Variants in DCBLD2 observed in about 807,000 individuals in gnomAD.
The protein encoded by DCBLD2 is discoidin, CUB and LCCL domain containing 2.
DCBLD2 carries 54 observed loss-of-function variants against 86.8 expected under a neutral mutation model. The observed-to-expected ratio is 0.62, with a 90% CI of 0.50 to 0.78. The LOEUF (loss-of-function observed/expected upper bound fraction) is 0.78. Among genes scored for constraint, DCBLD2 ranks in the 30% least tolerant of loss-of-function variants. DCBLD2 has a pLI of 0.00. For synonymous variants in DCBLD2, 354 were observed against 341.3 expected, an observed-to-expected ratio of 1.04 and a Z score of -0.41; for missense variants, 908 against 954.2, an observed-to-expected ratio of 0.95 and a Z score of 0.64.
intron 10 of DCBLD2, 131 bp downstream of exon 10, chr3:98,812,201 T>G: frequency 1.6e-6 from 2 of 1,283,588 alleles, no homozygotes; most frequent in Non-Finnish European, 2.1e-6. Context: ...TAACATCCCT[T>G]TAAGAAGATA....
At chr3:98,882,166 G>C (rs1943483431) in intron 1 of DCBLD2, among the ~76,000 whole-genome samples, 1 of 152,140 alleles carries the variant, frequency 6.6e-6, no homozygotes, top group South Asian at 2.1e-4. Context: ...GGCAAGAGAA[G>C]ACAAGTTAGG....
chr3:98,851,196 C>G (rs1223792704), intron 2 of DCBLD2, among the ~76,000 whole-genome samples: 1 of 152,138 alleles, frequency 6.6e-6, no homozygotes, highest in Non-Finnish European at 1.5e-5. Flanking sequence ...TTAGAAAACC[C>G]CATTGTCTCA....
At chr3:98,877,557 T>A (rs1307026905) in intron 2 of DCBLD2, among the ~76,000 whole-genome samples, 1 of 148,020 alleles carries the variant, frequency 6.8e-6, no homozygotes, top group East Asian at 2.0e-4. Flanking sequence ...AAACTCATGC[T>A]CTTTAATACA....
chr3:98,834,155 T>G (rs1179266108), intron 3 of DCBLD2, among the ~76,000 whole-genome samples: 1 of 151,456 alleles, frequency 6.6e-6, no homozygotes, highest in African/African-American at 2.4e-5. Context: ...TTTTTTTTTT[T>G]TTTTTGTTTT....
chr3:98,824,914 A>C lies in DCBLD2; in HGVS notation c.623+401T>G, dbSNP rs550744376. Reference sequence around the variant, plus strand: ...TTGTCTAGGCAAGAGACAAAGGCATAAAGAAGAGAAATAGTAGAAATGGTA... The same window carrying C: ...TTGTCTAGGCAAGAGACAAAGGCATCAAGAAGAGAAATAGTAGAAATGGTA... On this transcript the variant is annotated intron_variant, in intron 4 of 15. Coordinates refer to ENST00000326840, the MANE Select transcript of DCBLD2 (RefSeq NM_080927.4). Among the ~76,000 whole-genome samples the C allele has an allele frequency of 6.6e-5, 10 of 152,332 alleles. No homozygotes were observed. The South Asian group carries it at 1.9e-3, about 28-fold the overall frequency.
intron 1 of DCBLD2, among the ~76,000 whole-genome samples, chr3:98,882,074 A>T (rs1451610692): frequency 6.6e-6 from 1 of 152,096 alleles, no homozygotes; most frequent in Non-Finnish European, 1.5e-5. Flanking sequence ...GCAGTGGTAG[A>T]TTCCTCCTAT....
At chr3:98,889,074 A>G (rs1403968116) in intron 1 of DCBLD2, among the ~76,000 whole-genome samples, 1 of 151,970 alleles carries the variant, frequency 6.6e-6, no homozygotes, top group East Asian at 1.9e-4. Flanking sequence ...CTCACGTCCA[A>G]TACATTAACT....
chr3:98,863,426 C>T (rs1297598661), intron 2 of DCBLD2, among the ~76,000 whole-genome samples: 1 of 152,148 alleles, frequency 6.6e-6, no homozygotes, highest in Non-Finnish European at 1.5e-5. Flanking sequence ...GCCAAAAGAA[C>T]AAAGCGGGAG....
chr3:98,846,539 C>G (rs1942726977), intron 3 of DCBLD2, among the ~76,000 whole-genome samples: 1 of 152,072 alleles, frequency 6.6e-6, no homozygotes, highest in Non-Finnish European at 1.5e-5. Flanking sequence ...CATTCTAGTT[C>G]AGATAAAACA....
intron 1 of DCBLD2, among the ~76,000 whole-genome samples, chr3:98,894,470 C>T (rs575271530): frequency 6.6e-6 from 1 of 152,236 alleles, no homozygotes; most frequent in South Asian, 2.1e-4. Flanking sequence ...TTTAGGCTGT[C>T]ACGGTTGTTA....
At chr3:98,801,477 C>A in intron 14 of DCBLD2, 123 bp downstream of exon 14, 1 of 609,012 alleles carries the variant, frequency 1.6e-6, no homozygotes, top group African/African-American at 1.9e-5. Context: ...AGAGTAATGC[C>A]ATTGTTCTAA....
intron 3 of DCBLD2, among the ~76,000 whole-genome samples, chr3:98,826,897 T>C (rs935146049): frequency 6.6e-6 from 1 of 152,186 alleles, no homozygotes; most frequent in African/African-American, 2.4e-5. Context: ...TTGATGGAGA[T>C]AGCTCCTAGC....
At chr3:98,882,542 G>C (rs1313227152) in intron 1 of DCBLD2, among the ~76,000 whole-genome samples, 2 of 152,046 alleles carry the variant, frequency 1.3e-5, no homozygotes, top group African/African-American at 4.8e-5. Context: ...ATCTACATTA[G>C]GTATTTCTCC....
chr3:98,804,232 T>C (rs1314195551), intron 13 of DCBLD2, among the ~76,000 whole-genome samples: 1 of 152,206 alleles, frequency 6.6e-6, no homozygotes, highest in Non-Finnish European at 1.5e-5. Context: ...GAGCCTGTTA[T>C]TGGTCTATTC....
chr3:98,825,334 A>T lies in DCBLD2; in HGVS notation c.604T>A (p.Phe202Ile). The T allele has an allele frequency of 6.4e-7, 1 of 1,555,904 alleles. No individual in the cohort carries two copies. Among genetic ancestry groups the T allele is most frequent in the East Asian group, 2.3e-5 (1 of 42,982 alleles). Residue 202 changes from phenylalanine to isoleucine, a missense_variant, in exon 4 of 16, where the codon TTT (phenylalanine) becomes ATT (isoleucine). Coordinates refer to ENST00000326840, the MANE Select transcript of DCBLD2 (RefSeq NM_080927.4). ...LITCLDTASN[F>I]LEPEFSKYCP... ...TCATACCTGAACTCAGGTTCCAAAA[A>T]ATTGGATGCAGTGTCCAAACAAGTA...
Position 98,822,759 on chromosome 3 carries a change from G to T in DCBLD2, c.624-18C>A, listed in dbSNP as rs183642238. On this transcript the variant is annotated intron_variant, in intron 4 of 15. Transcript: ENST00000326840. Reference sequence around the variant, plus strand: ...AGTACTTACTGAGAAATGAAAACAAGCAAAAGGTTACATAATGCTGTATTT... The same window carrying T: ...AGTACTTACTGAGAAATGAAAACAATCAAAAGGTTACATAATGCTGTATTT... 569 of 1,568,372 alleles carry T rather than the reference G, an allele frequency of 3.6e-4. 2 individuals are homozygous for T. The highest frequency in any genetic ancestry group is 1.3e-5 in the Non-Finnish European group (15 of 1,158,140).
chr3:98,870,806 A>AAAGAAAGAAAGAAAGGAAGAAAGG (rs1559794673), intron 2 of DCBLD2, among the ~76,000 whole-genome samples: 10 of 123,388 alleles, frequency 8.1e-5, no homozygotes, highest in East Asian at 2.3e-4. Flanking sequence ...AGAAAGAAAG[A>AAAGAAAGAAAGAAAGGAAGAAAGG]AAGAAAGGTA....
chr3:98,867,458 T>A (rs9682876), intron 2 of DCBLD2, among the ~76,000 whole-genome samples: 56,074 of 152,088 alleles, frequency 0.37, 11,277 homozygotes, highest in East Asian at 0.71. Context: ...TTATAAAATA[T>A]GTACAATTTT....
chr3:98,874,568 A>G (rs1347077150), intron 2 of DCBLD2, among the ~76,000 whole-genome samples: 1 of 152,246 alleles, frequency 6.6e-6, no homozygotes, highest in Non-Finnish European at 1.5e-5. Context: ...ATCAGTGGAT[A>G]CTTCCTATTA....
Sources: allele counts gnomAD v4.1 joint callset (sites outside exome capture counted in the v4.1 genomes callset), GRCh38; gene constraint gnomAD v4.1.1; transcripts MANE v1.5; gene names NCBI Gene and HGNC (gene_info 2026-07-23, HGNC 2026-07-21).